Variants in DLG2 observed in about 807,000 individuals in gnomAD.
The protein encoded by DLG2 is disks large homolog 2.
A neutral mutation model predicts 132.5 loss-of-function variants in DLG2; 45 were observed. The ratio of observed to expected loss-of-function variants is 0.34; its 90% CI spans 0.27 to 0.44. The LOEUF (loss-of-function observed/expected upper bound fraction) is 0.44. Among genes scored for constraint, DLG2 ranks in the 20% least tolerant of loss-of-function variants. DLG2 has a pLI of 1.00. For missense variants in DLG2, 1,045 were observed against 1,196.9 expected, an observed-to-expected ratio of 0.87 and a Z score of 1.87; for synonymous variants, 424 against 419.6, an observed-to-expected ratio of 1.01 and a Z score of -0.13.
At chr11:84,449,000 T>C (rs2099043744) in intron 7 of DLG2, among the ~76,000 whole-genome samples, 1 of 151,938 alleles carries the variant, frequency 6.6e-6, no homozygotes, top group South Asian at 2.1e-4. Flanking sequence ...TATCTAGCAT[T>C]TGTTATTACC....
intron 7 of DLG2, among the ~76,000 whole-genome samples, chr11:84,405,296 C>T (rs1322273932): frequency 6.6e-6 from 1 of 152,174 alleles, no homozygotes; most frequent in African/African-American, 2.4e-5. Flanking sequence ...ATCCTTATTT[C>T]CTTTCCTCAA....
intron 18 of DLG2, among the ~76,000 whole-genome samples, chr11:83,728,190 A>G (rs1245332041): frequency 6.6e-6 from 1 of 152,166 alleles, no homozygotes; most frequent in Admixed American, 6.6e-5. Context: ...TTAGTGCATT[A>G]GCCACACCAG....
At chr11:83,795,445 A>C (rs900925089) in intron 17 of DLG2, among the ~76,000 whole-genome samples, 23 of 149,484 alleles carry the variant, frequency 1.5e-4, no homozygotes, top group Non-Finnish European at 2.8e-4. Flanking sequence ...ATATCTATAT[A>C]TCTATATCTA....
intron 19 of DLG2, among the ~76,000 whole-genome samples, chr11:83,615,874 G>C (rs1210836383): frequency 2.0e-5 from 3 of 152,164 alleles, no homozygotes; most frequent in African/African-American, 7.2e-5. Flanking sequence ...CTGATACCTT[G>C]ACTTTAATCT....
chr11:84,452,889 TAAATA>T (rs1272123677), intron 7 of DLG2, among the ~76,000 whole-genome samples: 1 of 151,358 alleles, frequency 6.6e-6, no homozygotes, highest in Non-Finnish European at 1.5e-5. Context: ...TCCAAATAAA[TAAATA>T]AAAGTTTAAA....
chr11:85,586,356 A>G (rs985826735), intron 3 of DLG2, among the ~76,000 whole-genome samples: 3 of 151,318 alleles, frequency 2.0e-5, no homozygotes, highest in Non-Finnish European at 4.4e-5. Flanking sequence ...TTTGTTGGTA[A>G]CTTTTTAATT....
chr11:85,155,205 C>T (rs933529772), intron 4 of DLG2, among the ~76,000 whole-genome samples: 1 of 152,176 alleles, frequency 6.6e-6, no homozygotes, highest in African/African-American at 2.4e-5. Context: ...TACAATATGA[C>T]CCATTGAATA....
chr11:84,394,876 T>C (rs1176035518), intron 7 of DLG2, among the ~76,000 whole-genome samples: 2 of 152,134 alleles, frequency 1.3e-5, no homozygotes, highest in African/African-American at 4.8e-5. Context: ...CACTTTGGCC[T>C]CCCAAAGTGC....
At chr11:83,945,803 C>CCT (rs1327966393) in intron 14 of DLG2, among the ~76,000 whole-genome samples, 1 of 50,312 alleles carries the variant, frequency 2.0e-5, no homozygotes, top group Non-Finnish European at 4.5e-5. Flanking sequence ...GAGAGAAATG[C>CCT]CTCTGTGTGT....
chr11:83,526,985 C>T (rs538047047), intron 21 of DLG2, among the ~76,000 whole-genome samples: 1 of 152,292 alleles, frequency 6.6e-6, no homozygotes, highest in African/African-American at 2.4e-5. Context: ...GTCTTTACAC[C>T]TCCACATTAC....
At chr11:84,509,450 T>C (rs2099251270) in intron 7 of DLG2, among the ~76,000 whole-genome samples, 1 of 152,196 alleles carries the variant, frequency 6.6e-6, no homozygotes, top group African/African-American at 2.4e-5. Context: ...GTGAAACCTT[T>C]GGAATGTTCA....
chr11:85,548,065 A>T (rs1007974887), intron 3 of DLG2, among the ~76,000 whole-genome samples: 4 of 152,100 alleles, frequency 2.6e-5, no homozygotes, highest in African/African-American at 9.7e-5. Flanking sequence ...GAGAATAGGC[A>T]TTCTGGTTTT....
At chr11:84,137,678 C>T (rs1476999524) in intron 9 of DLG2, among the ~76,000 whole-genome samples, 1 of 152,090 alleles carries the variant, frequency 6.6e-6, no homozygotes, top group Non-Finnish European at 1.5e-5. Flanking sequence ...AATGCTTCCA[C>T]CATATGGTTC....
intron 6 of DLG2, among the ~76,000 whole-genome samples, chr11:84,958,075 A>T (rs927012894): frequency 6.6e-6 from 1 of 152,218 alleles, no homozygotes; most frequent in African/African-American, 2.4e-5. Flanking sequence ...AAATGAAAAA[A>T]AGGTAGAATT....
intron 18 of DLG2, among the ~76,000 whole-genome samples, chr11:83,765,265 T>G (rs1324225174): frequency 6.6e-6 from 1 of 152,204 alleles, no homozygotes; most frequent in African/African-American, 2.4e-5. Context: ...GATGGAAAAT[T>G]AACATCTTGA....
At position 83,766,998 on chromosome 11, in the gene DLG2, ATCT is replaced by A. The variant is rs896766729; in HGVS notation, c.1825+19689_1825+19691del. On this transcript the variant is annotated intron_variant, in intron 18 of 27. Coordinates refer to ENST00000376104, the MANE Select transcript of DLG2 (RefSeq NM_001142699.3). The stretch of plus-strand genomic sequence containing the variant: ...ATCTGGTCTCTGCTTCTGTCATAAC[ATCT>A]TCTTCTCTGACTCTCCTGCCTCTCT... 1.6e-4 allele frequency among the ~76,000 whole-genome samples: 24 copies of A among 152,278 alleles called. 1 individual carries two copies. In the East Asian group the frequency reaches 2.3e-3, roughly 15 times the overall value.
intron 18 of DLG2, among the ~76,000 whole-genome samples, chr11:83,653,672 C>G (rs973270037): frequency 1.3e-5 from 2 of 152,134 alleles, no homozygotes; most frequent in African/African-American, 4.8e-5. Context: ...GATAAAGTGA[C>G]CGCACATGTC....
chr11:85,317,004 G>C (rs2080729572), intron 3 of DLG2, among the ~76,000 whole-genome samples: 1 of 151,970 alleles, frequency 6.6e-6, no homozygotes, highest in Non-Finnish European at 1.5e-5. Context: ...GTTCTGAAGT[G>C]TCAGAAATGG....
intron 9 of DLG2, among the ~76,000 whole-genome samples, chr11:84,148,890 G>T (rs2095190099): frequency 6.6e-6 from 1 of 151,924 alleles, no homozygotes; most frequent in Non-Finnish European, 1.5e-5. Flanking sequence ...ATTATTTTTT[G>T]ACCTATTATC....
Sources: allele counts gnomAD v4.1 joint callset (sites outside exome capture counted in the v4.1 genomes callset), GRCh38; gene constraint gnomAD v4.1.1; transcripts MANE v1.5; gene names NCBI Gene and HGNC (gene_info 2026-07-23, HGNC 2026-07-21).